The following STK32B variants were observed in gnomAD, a reference collection of about 807,000 sequenced individuals.
STK32B encodes serine/threonine-protein kinase 32B.
In STK32B, 43 loss-of-function variants were observed where a neutral mutation model predicts 52.6. The ratio of observed to expected loss-of-function variants is 0.82; its 90% CI spans 0.64 to 1.05. The LOEUF is 1.05. STK32B is among the 50% of genes least tolerant of loss of function. The pLI is 0.00. For missense variants in STK32B, 621 were observed against 534.6 expected, an observed-to-expected ratio of 1.16 and a Z score of -1.59; for synonymous variants, 238 against 204.3, an observed-to-expected ratio of 1.17 and a Z score of -1.41.
intron 3 of STK32B, among the ~76,000 whole-genome samples, chr4:5,185,149 C>T (rs750011363): frequency 3.3e-5 from 5 of 152,302 alleles, no homozygotes; most frequent in South Asian, 4.1e-4. Context: ...TTCATGTGTT[C>T]GGACTGCATT....
chr4:5,244,482 T>C (rs1725297484), intron 3 of STK32B, among the ~76,000 whole-genome samples: 1 of 152,162 alleles, frequency 6.6e-6, no homozygotes, highest in Non-Finnish European at 1.5e-5. Flanking sequence ...TCTTTATTAG[T>C]CTTGCTAGTG....
At chr4:5,344,515 G>A (rs1386616882) in intron 4 of STK32B, among the ~76,000 whole-genome samples, 3 of 152,146 alleles carry the variant, frequency 2.0e-5, no homozygotes, top group Admixed American at 6.5e-5. Context: ...TACAAGGCAG[G>A]AACCTTGACA....
At chr4:5,094,668 A>G (rs570305034) in intron 1 of STK32B, among the ~76,000 whole-genome samples, 1 of 152,306 alleles carries the variant, frequency 6.6e-6, no homozygotes, top group South Asian at 2.1e-4. Context: ...AAAAGAATAC[A>G]GTATACAATA....
At chr4:5,228,552 T>C (rs538334049) in intron 3 of STK32B, among the ~76,000 whole-genome samples, 21 of 152,314 alleles carry the variant, frequency 1.4e-4, no homozygotes, top group African/African-American at 4.6e-4. Context: ...GATCTTGTTT[T>C]TTCTGTATTT....
chr4:5,254,983 T>TATATATATATATATATA (rs1577252456), intron 3 of STK32B, among the ~76,000 whole-genome samples: 2 of 150,958 alleles, frequency 1.3e-5, no homozygotes, highest in African/African-American at 4.9e-5. Context: ...TATATGTTTA[T>TATATATATATATATATA]TGAGCATCTT....
At chr4:5,268,546 TG>T (rs1727204912) in intron 3 of STK32B, among the ~76,000 whole-genome samples, 1 of 95,844 alleles carries the variant, frequency 1.0e-5, no homozygotes, top group Admixed American at 9.0e-5. Flanking sequence ...GTGGTGTGTG[TG>T]TGTGTGTGTG....
At chr4:5,438,242 G>A (rs944774297) in intron 6 of STK32B, among the ~76,000 whole-genome samples, 1 of 152,236 alleles carries the variant, frequency 6.6e-6, no homozygotes, top group African/African-American at 2.4e-5. Context: ...AGGGAAGGAA[G>A]TCCCTGTAGG....
rs3072775 is a variant in STK32B, at chr4:5,059,052, C to CTTT, written c.52+7164_52+7166dup. ...AGGCGTGAGCCACCACGCCCAGCTG[C>CTTT]TTTTTTTTTTTTTTTTTTTTTTTTT... is the stretch of plus-strand genomic sequence containing the variant. On this transcript the variant is annotated intron_variant, in intron 1 of 11. Coordinates refer to ENST00000282908, the MANE Select transcript of STK32B (RefSeq NM_018401.3). Among the ~76,000 whole-genome samples, 226 of 86,908 alleles carry CTTT rather than the reference C, an allele frequency of 2.6e-3. 13 individuals are homozygous for CTTT. Among genetic ancestry groups the CTTT allele is most frequent in the African/African-American group, 8.4e-3 (173 of 20,652 alleles). The allele number at this position is 86,908 out of a possible 152,430, so 57.0% of individuals were successfully genotyped here.
At chr4:5,267,927 G>A (rs1228680060) in intron 3 of STK32B, among the ~76,000 whole-genome samples, 2 of 152,176 alleles carry the variant, frequency 1.3e-5, no homozygotes, top group East Asian at 3.9e-4. Context: ...TAGAGAGTAG[G>A]GAGGATGGTT....
intron 4 of STK32B, among the ~76,000 whole-genome samples, chr4:5,375,057 C>T (rs145579049): frequency 2.0e-5 from 3 of 152,238 alleles, no homozygotes; most frequent in Non-Finnish European, 2.9e-5. Flanking sequence ...CCAATGAACC[C>T]GAGTGAGGTC....
Position 5,158,921 on chromosome 4 carries a change from A to G in STK32B, c.109-9378A>G, listed in dbSNP as rs76170599. Among the ~76,000 whole-genome samples the G allele has an allele frequency of 3.9e-3, 589 of 152,264 alleles. 13 individuals carry two copies. In the East Asian group the frequency reaches 0.058, roughly 15 times the overall value. ...GTGCTAGGGGTTAGGACTGCAGCAT[A>G]TGAATTTGGGGGACATACAGCTTAG... On this transcript the variant is annotated intron_variant, in intron 2 of 11. Transcript: ENST00000282908.
At chr4:5,185,771 A>G (rs181447740) in intron 3 of STK32B, among the ~76,000 whole-genome samples, 2 of 152,324 alleles carry the variant, frequency 1.3e-5, no homozygotes, top group Admixed American at 1.3e-4. Flanking sequence ...GTCTGTGCCT[A>G]CCACGCCTCT....
At position 5,396,846 on chromosome 4, in the gene STK32B, C is replaced by G. The variant is rs1381041483; in HGVS notation, c.435-1361C>G. 6.6e-6 allele frequency among the ~76,000 whole-genome samples: 1 copy of G among 152,204 alleles called. No individual in the cohort carries two copies. The highest frequency in any genetic ancestry group is 1.5e-5 in the Non-Finnish European group (1 of 68,038). Reference sequence around the variant, plus strand: ...TTGCTGACTTCATCCGCACTTGACTCTAGGTCTTCTGCCTTTTGTTTTAAT... The same window carrying G: ...TTGCTGACTTCATCCGCACTTGACTGTAGGTCTTCTGCCTTTTGTTTTAAT... On this transcript the variant is annotated intron_variant, in intron 4 of 11. Coordinates refer to ENST00000282908, the MANE Select transcript of STK32B (RefSeq NM_018401.3). The surrounding 1 kb of genome is among the most constrained non-coding windows in gnomAD (Gnocchi z 4.7).
chr4:5,223,365 G>A (rs935551933), intron 3 of STK32B, among the ~76,000 whole-genome samples: 2 of 152,156 alleles, frequency 1.3e-5, no homozygotes, highest in African/African-American at 4.8e-5. Flanking sequence ...CTCCCCTGAA[G>A]CCCCACACCT....
At position 5,467,990 on chromosome 4, in the gene STK32B, CTG is replaced by C. The variant is rs1374902264; in HGVS notation, c.1042-13_1042-12del. The C allele has an allele frequency of 6.2e-7, 1 of 1,614,094 alleles. No individual in the cohort carries two copies. The highest frequency in any genetic ancestry group is 8.5e-7 in the Non-Finnish European group (1 of 1,179,966). On this transcript the variant is annotated splice_polypyrimidine_tract_variant and intron_variant, in intron 10 of 11. Transcript: ENST00000282908. This position sits in a 1 kb window ranked among gnomAD's most constrained non-coding sequence, Gnocchi z 5.8. ...CGTGCTTTGTCATTTAGTCACCCCTCTGTGCTCTTTGACAGAATGGACACCTG... is the reference window on the plus strand; with the variant it reads ...CGTGCTTTGTCATTTAGTCACCCCTCTGCTCTTTGACAGAATGGACACCTG...
intron 5 of STK32B, among the ~76,000 whole-genome samples, chr4:5,408,452 C>T (rs912943118): frequency 2.6e-5 from 4 of 152,130 alleles, no homozygotes; most frequent in African/African-American, 9.7e-5. Context: ...TCTGAGGCCT[C>T]TCCAGAAACC....
intron 3 of STK32B, among the ~76,000 whole-genome samples, chr4:5,169,401 C>G (rs1719156090): frequency 6.6e-6 from 1 of 152,134 alleles, no homozygotes; most frequent in Non-Finnish European, 1.5e-5. Flanking sequence ...GATCAGTTGA[C>G]CCACTGACCT....
intron 3 of STK32B, among the ~76,000 whole-genome samples, chr4:5,185,154 T>TG (rs1720651329): frequency 6.6e-6 from 1 of 152,252 alleles, no homozygotes; most frequent in African/African-American, 2.4e-5. Context: ...GTGTTCGGAC[T>TG]GCATTTTCAA....
chr4:5,281,944 G>T (rs986403261), intron 3 of STK32B, among the ~76,000 whole-genome samples: 1 of 151,868 alleles, frequency 6.6e-6, no homozygotes, highest in Non-Finnish European at 1.5e-5. Flanking sequence ...TTAAAAAATT[G>T]ATTTACCTAT....
Sources: gnomAD v4.1 joint callset for allele counts (sites outside exome capture counted in the v4.1 genomes callset) on GRCh38, gnomAD v4.1.1 for gene constraint, Gnocchi (gnomAD v3.1) non-coding constraint, MANE v1.5 for transcripts, NCBI Gene and HGNC (gene_info 2026-07-23, HGNC 2026-07-21) for gene names.